SNTG1: variants seen among roughly 807,000 people sequenced by gnomAD.
SNTG1 encodes the protein syntrophin gamma 1.
SNTG1 carries 39 observed loss-of-function variants against 74.7 expected under a neutral mutation model. The ratio of observed to expected loss-of-function variants is 0.52; its 90% CI spans 0.40 to 0.68. The LOEUF is 0.68. SNTG1 is among the 30% of genes least tolerant of loss of function. SNTG1 has a pLI of 0.00. For synonymous variants in SNTG1, 254 were observed against 217.1 expected, an observed-to-expected ratio of 1.17 and a Z score of -1.49; for missense variants, 685 against 609.5, an observed-to-expected ratio of 1.12 and a Z score of -1.30.
intron 1 of SNTG1, among the ~76,000 whole-genome samples, chr8:50,045,065 C>G (rs372233541): frequency 6.6e-6 from 1 of 152,156 alleles, no homozygotes; most frequent in Non-Finnish European, 1.5e-5. Flanking sequence ...TGGTGAGAAA[C>G]AGCTCCCAGT....
At chr8:50,735,991 T>G (rs2095527674) in intron 17 of SNTG1, among the ~76,000 whole-genome samples, 1 of 152,076 alleles carries the variant, frequency 6.6e-6, no homozygotes, top group African/African-American at 2.4e-5. Flanking sequence ...AAAAGGATTT[T>G]CAACCCAGAA....
In SNTG1 at chr8:49,922,956, C is replaced by T. The variant is rs530412907; in HGVS notation, c.-103+10725C>T. On this transcript the variant is annotated intron_variant, in intron 1 of 18. Transcript: ENST00000642720. Reference sequence around the variant, plus strand: ...AAATGTACTGATAAATGTAATGATTCGTGTCTACTTTATTAATTACTGCTA... The same window carrying T: ...AAATGTACTGATAAATGTAATGATTTGTGTCTACTTTATTAATTACTGCTA... 1.2e-4 allele frequency among the ~76,000 whole-genome samples: 18 copies of T among 152,180 alleles called. No homozygotes were observed. In the South Asian group the frequency reaches 3.3e-3, roughly 28 times the overall value.
At chr8:50,602,458 CTGTT>C (rs2094781930) in intron 13 of SNTG1, among the ~76,000 whole-genome samples, 1 of 152,036 alleles carries the variant, frequency 6.6e-6, no homozygotes, top group Non-Finnish European at 1.5e-5. Flanking sequence ...TCTTATAGTA[CTGTT>C]TGTCTTGAAA....
At chr8:50,073,188 C>G (rs1821524906) in intron 1 of SNTG1, among the ~76,000 whole-genome samples, 1 of 152,208 alleles carries the variant, frequency 6.6e-6, no homozygotes, top group African/African-American at 2.4e-5. Context: ...CTCTCAAACC[C>G]TGTCACTAAT....
intron 2 of SNTG1, among the ~76,000 whole-genome samples, chr8:50,369,749 C>A (rs1197626884): frequency 6.6e-6 from 1 of 152,168 alleles, no homozygotes; most frequent in Non-Finnish European, 1.5e-5. Flanking sequence ...GGACTTCCAG[C>A]CTCCAGAACT....
chr8:50,298,797 A>G (rs958958328), intron 2 of SNTG1, among the ~76,000 whole-genome samples: 1 of 152,160 alleles, frequency 6.6e-6, no homozygotes, highest in Non-Finnish European at 1.5e-5. Context: ...TGCTGTATAC[A>G]CTTCTGTGTT....
At chr8:50,357,383 G>A (rs867387150) in intron 2 of SNTG1, among the ~76,000 whole-genome samples, 12 of 152,202 alleles carry the variant, frequency 7.9e-5, no homozygotes, top group African/African-American at 2.9e-4. Flanking sequence ...TTGTTTCTGC[G>A]ACGTGCTTTA....
At chr8:50,078,093 A>C in intron 1 of SNTG1, among the ~76,000 whole-genome samples, 1 of 152,208 alleles carries the variant, frequency 6.6e-6, no homozygotes, top group East Asian at 1.9e-4. Flanking sequence ...CTAAAAATAA[A>C]TGTGAAACCT....
At chr8:50,402,131 G>A in intron 3 of SNTG1, 79 bp from the exon 4 acceptor site, 1 of 1,407,924 alleles carries the variant, frequency 7.1e-7, no homozygotes, top group Non-Finnish European at 9.6e-7. Flanking sequence ...ACCATGTTTT[G>A]CTGTAAACTG....
intron 9 of SNTG1, among the ~76,000 whole-genome samples, chr8:50,517,875 C>A (rs550630636): frequency 5.6e-4 from 86 of 152,264 alleles, no homozygotes; most frequent in African/African-American, 2.0e-3. Flanking sequence ...TAACACCCCA[C>A]TGTCAATATT....
At chr8:50,071,047 C>A (rs1483663667) in intron 1 of SNTG1, among the ~76,000 whole-genome samples, 1 of 152,164 alleles carries the variant, frequency 6.6e-6, no homozygotes, top group East Asian at 1.9e-4. Context: ...GTTCTAAGGC[C>A]TGGACCCATA....
At chr8:50,088,909 A>G (rs534529274) in intron 1 of SNTG1, among the ~76,000 whole-genome samples, 1 of 150,158 alleles carries the variant, frequency 6.7e-6, no homozygotes, top group Non-Finnish European at 1.5e-5. Flanking sequence ...AAACTACTTT[A>G]AAGTTCATAT....
At chr8:50,351,595 A>G (rs2091663093) in intron 2 of SNTG1, among the ~76,000 whole-genome samples, 2 of 152,232 alleles carry the variant, frequency 1.3e-5, no homozygotes, top group African/African-American at 4.8e-5. Flanking sequence ...GAAATATCAC[A>G]GTAAAACACA....
intron 1 of SNTG1, among the ~76,000 whole-genome samples, chr8:49,994,700 C>G (rs1814037950): frequency 6.7e-6 from 1 of 150,150 alleles, no homozygotes; most frequent in South Asian, 2.1e-4. Flanking sequence ...ACTATAGCTA[C>G]TCATTTTTTT....
At chr8:50,276,096 C>G (rs970358988) in intron 2 of SNTG1, among the ~76,000 whole-genome samples, 1 of 152,008 alleles carries the variant, frequency 6.6e-6, no homozygotes, top group Admixed American at 6.6e-5. Context: ...TACCTACGTA[C>G]CAGAGACATC....
intron 2 of SNTG1, among the ~76,000 whole-genome samples, chr8:50,365,561 CAA>C (rs1468658362): frequency 1.3e-5 from 2 of 151,912 alleles, no homozygotes; most frequent in Non-Finnish European, 2.9e-5. Context: ...TGTATAAAAT[CAA>C]AGATTTTTTT....
intron 1 of SNTG1, among the ~76,000 whole-genome samples, chr8:49,984,267 A>G (rs1444449790): frequency 6.6e-6 from 1 of 151,894 alleles, no homozygotes; most frequent in Non-Finnish European, 1.5e-5. Flanking sequence ...GTGCAATGAC[A>G]TGATCTCGGC....
At chr8:50,770,610 G>A (rs925868842) in intron 18 of SNTG1, among the ~76,000 whole-genome samples, 2 of 151,970 alleles carry the variant, frequency 1.3e-5, no homozygotes, top group East Asian at 1.9e-4. Flanking sequence ...AAGTCAATTT[G>A]CAGGCTGCTA....
chr8:50,088,868 C>A (rs1823179630), intron 1 of SNTG1, among the ~76,000 whole-genome samples: 1 of 149,018 alleles, frequency 6.7e-6, no homozygotes, highest in Admixed American at 6.8e-5. Flanking sequence ...CCCCATCAGG[C>A]TACCAATGAC....
Sources: gnomAD v4.1 joint callset for allele counts (sites outside exome capture counted in the v4.1 genomes callset) on GRCh38, gnomAD v4.1.1 for gene constraint, MANE v1.5 for transcripts, NCBI Gene and HGNC (gene_info 2026-07-23, HGNC 2026-07-21) for gene names.